Variants in RAB3C observed in about 807,000 individuals in gnomAD.
The protein encoded by RAB3C is ras-related protein Rab-3C.
In RAB3C, 17 loss-of-function variants were observed where a neutral mutation model predicts 26.4. The ratio of observed to expected loss-of-function variants is 0.64; its 90% CI spans 0.44 to 0.97. RAB3C has a LOEUF of 0.97. RAB3C is among the 50% of genes least tolerant of loss of function. The probability of loss-of-function intolerance (pLI) is 0.00; values close to 1 mark genes in which losing one functional copy is unlikely to be tolerated. For synonymous variants in RAB3C, 91 were observed against 95.9 expected, an observed-to-expected ratio of 0.95 and a Z score of 0.30; for missense variants, 242 against 281.9, an observed-to-expected ratio of 0.86 and a Z score of 1.01.
chr5:58,785,331 C>G (rs1742354352), intron 3 of RAB3C, among the ~76,000 whole-genome samples: 1 of 152,186 alleles, frequency 6.6e-6, no homozygotes, highest in African/African-American at 2.4e-5. Context: ...AGATCCCCAG[C>G]TAATTATAAT....
rs142724061 is a variant in RAB3C at position 58,587,957 on chromosome 5, T to C, written c.24+4725T>C. Among the ~76,000 whole-genome samples the C allele has an allele frequency of 1.5e-4, 23 of 152,314 alleles. No homozygotes were observed. In the East Asian group the frequency reaches 4.3e-3, roughly 28 times the overall value. ...GAACATACTGTGGAACAAAAAAATA[T>C]GTTCTTGTTTGAGTCTGGCTTATTT... is the stretch of plus-strand genomic sequence containing the variant. On this transcript the variant is annotated intron_variant, in intron 1 of 4. Transcript: ENST00000282878.
intron 3 of RAB3C, among the ~76,000 whole-genome samples, chr5:58,773,168 C>T (rs576083520): frequency 6.6e-6 from 1 of 152,128 alleles, no homozygotes; most frequent in Non-Finnish European, 1.5e-5. Flanking sequence ...AAACCAGTCA[C>T]ATGAAGAGAT....
intron 2 of RAB3C, among the ~76,000 whole-genome samples, chr5:58,710,207 A>T (rs914879704): frequency 3.9e-5 from 6 of 152,202 alleles, no homozygotes; most frequent in Admixed American, 1.3e-4. Flanking sequence ...ATTTAAGATG[A>T]AATATTATTT....
intron 1 of RAB3C, among the ~76,000 whole-genome samples, chr5:58,590,184 A>G (rs887583346): frequency 5.3e-5 from 8 of 152,144 alleles, no homozygotes; most frequent in African/African-American, 1.9e-4. Context: ...AAATTTTTCT[A>G]TTTCATTGTG....
At chr5:58,647,493 C>G (rs112719168) in intron 2 of RAB3C, 1 of 176 alleles carries the variant, frequency 5.7e-3, no homozygotes, top group African/African-American at 0.025. Flanking sequence ...TCCCACTGGG[C>G]CCCCCTCGAC....
At position 58,744,647 on chromosome 5, in the gene RAB3C, A is replaced by G. The variant is rs55645154; in HGVS notation, c.371+18527A>G. Reference sequence around the variant, plus strand: ...GTTTCTGAACTTTGAAAGCTTCTGAATTGGCACAGGGGAATGGTCATGTTT... The same window carrying G: ...GTTTCTGAACTTTGAAAGCTTCTGAGTTGGCACAGGGGAATGGTCATGTTT... On this transcript the variant is annotated intron_variant, in intron 3 of 4. Coordinates refer to ENST00000282878, the MANE Select transcript of RAB3C (RefSeq NM_138453.4). Among the ~76,000 whole-genome samples, 618 of 152,328 alleles carry G rather than the reference A, an allele frequency of 4.1e-3. 2 individuals carry two copies. The highest frequency in any genetic ancestry group is 6.1e-3 in the Non-Finnish European group (413 of 68,028).
At chr5:58,641,342 A>G (rs987517670) in intron 2 of RAB3C, among the ~76,000 whole-genome samples, 1 of 151,402 alleles carries the variant, frequency 6.6e-6, no homozygotes. Context: ...GGAGAAAACA[A>G]GAGAGTGCAC....
intron 1 of RAB3C, among the ~76,000 whole-genome samples, chr5:58,589,748 T>C (rs1462301524): frequency 1.3e-5 from 2 of 152,158 alleles, no homozygotes; most frequent in Non-Finnish European, 2.9e-5. Context: ...ATAATTAATA[T>C]TATAAACTTT....
At chr5:58,620,752 G>T (rs386161) in intron 2 of RAB3C, among the ~76,000 whole-genome samples, 100,316 of 152,044 alleles carry the variant, frequency 0.66, 33,998 homozygotes, top group African/African-American at 0.81. Flanking sequence ...CTAACACTGC[G>T]CTAATTAAGA....
At chr5:58,588,662 T>C (rs761769590) in intron 1 of RAB3C, among the ~76,000 whole-genome samples, 1 of 152,132 alleles carries the variant, frequency 6.6e-6, no homozygotes, top group Non-Finnish European at 1.5e-5. Flanking sequence ...TACATTCATA[T>C]TCTAAATAGT....
intron 4 of RAB3C, 44 bp downstream of exon 4, chr5:58,825,206 A>T: frequency 6.3e-7 from 1 of 1,576,886 alleles, no homozygotes; most frequent in Non-Finnish European, 8.6e-7. Flanking sequence ...TAATTTGCTT[A>T]TTATATGTAA....
chr5:58,627,707 T>C (rs1747089545), intron 2 of RAB3C, among the ~76,000 whole-genome samples: 1 of 152,186 alleles, frequency 6.6e-6, no homozygotes, highest in Admixed American at 6.5e-5. Flanking sequence ...ACATTGCCAC[T>C]GTGGCAGCTA....
chr5:58,745,084 C>G (rs956549890), intron 3 of RAB3C, among the ~76,000 whole-genome samples: 3 of 152,020 alleles, frequency 2.0e-5, no homozygotes, highest in Non-Finnish European at 4.4e-5. Context: ...AGCCCCCATT[C>G]CCCGAGACCA....
At chr5:58,611,497 T>C (rs980713551) in intron 1 of RAB3C, among the ~76,000 whole-genome samples, 2 of 152,222 alleles carry the variant, frequency 1.3e-5, no homozygotes, top group African/African-American at 4.8e-5. Context: ...TTGACCTTTT[T>C]TTCATGTGTT....
At chr5:58,787,172 G>A (rs895160285) in intron 3 of RAB3C, among the ~76,000 whole-genome samples, 1 of 152,228 alleles carries the variant, frequency 6.6e-6, no homozygotes, top group Admixed American at 6.5e-5. Flanking sequence ...AGCCCCGGGA[G>A]CTCAGAGCTG....
chr5:58,637,358 ATCAC>A (rs901223238), intron 2 of RAB3C, among the ~76,000 whole-genome samples: 7 of 151,908 alleles, frequency 4.6e-5, no homozygotes, highest in Admixed American at 6.6e-5. Context: ...CTCTCCTGCT[ATCAC>A]TCACTCTCTC....
rs1277570943 is a variant in RAB3C at position 58,859,333 on chromosome 5, T to C, written c.*7982T>C. 1 of 152,238 alleles carries C rather than the reference T, an allele frequency of 6.6e-6. No individual in the cohort carries two copies. Among genetic ancestry groups the C allele is most frequent in the Non-Finnish European group, 1.5e-5 (1 of 68,042 alleles). 9.4% of individuals were successfully genotyped at this position (152,238 alleles called of 1,614,324 possible). The stretch of plus-strand genomic sequence containing the variant: ...ATTCTATAAAGAAAGTGGTTTTTGT[T>C]CTTTGAGTTTGTTTTATTTCTTGAA... On this transcript the variant is annotated 3_prime_UTR_variant, in exon 5 of 5. Transcript: ENST00000282878.
chr5:58,726,405 T>A (rs944605392), intron 3 of RAB3C, among the ~76,000 whole-genome samples: 9 of 152,122 alleles, frequency 5.9e-5, no homozygotes, highest in African/African-American at 2.2e-4. Flanking sequence ...TTTGATTTTT[T>A]AAAATATAAA....
At position 58,785,894 on chromosome 5, in the gene RAB3C, G is replaced by A. The variant is rs191911150; in HGVS notation, c.372-39144G>A. Among the ~76,000 whole-genome samples, 272 of 152,336 alleles carry A rather than the reference G, an allele frequency of 1.8e-3. 2 individuals carry two copies. The highest frequency in any genetic ancestry group is 6.4e-3 in the African/African-American group (265 of 41,576). On this transcript the variant is annotated intron_variant, in intron 3 of 4. Transcript: ENST00000282878. The stretch of plus-strand genomic sequence containing the variant: ...AATCAGTTTCAGAGTGCTGCAATAC[G>A]AGGAAGCCAGCCATTGCTGGCTTTG...
Sources: gnomAD v4.1 joint callset for allele counts (sites outside exome capture counted in the v4.1 genomes callset) on GRCh38, gnomAD v4.1.1 for gene constraint, MANE v1.5 for transcripts, NCBI Gene and HGNC (gene_info 2026-07-23, HGNC 2026-07-21) for gene names.